Variants in SREBF2 observed in about 807,000 individuals in gnomAD.
SREBF2 encodes sterol regulatory element-binding protein 2.
A neutral mutation model predicts 113.1 loss-of-function variants in SREBF2; 55 were observed. The observed-to-expected ratio is 0.49, with a 90% CI of 0.39 to 0.61. The LOEUF (loss-of-function observed/expected upper bound fraction) is 0.61, where lower values mean the gene tolerates loss of function less well. Among genes scored for constraint, SREBF2 ranks in the 20% least tolerant of loss-of-function variants. The pLI is 0.00. For synonymous variants in SREBF2, 593 were observed against 605.7 expected (o/e 0.98, Z 0.31); for missense variants, 1,349 against 1,487.4 (o/e 0.91, Z 1.53).
At chr22:41,865,590 A>C (rs997870014) in intron 1 of SREBF2, among the ~76,000 whole-genome samples, 2 of 152,066 alleles carry the variant, frequency 1.3e-5, no homozygotes, top group African/African-American at 4.8e-5. Context: ...TTGGGCTGGG[A>C]ATTTAAGGGT....
At chr22:41,868,974 A>G (rs1270047783) in intron 3 of SREBF2, among the ~76,000 whole-genome samples, 182 bp downstream of exon 3, 1 of 152,244 alleles carries the variant, frequency 6.6e-6, no homozygotes, top group Non-Finnish European at 1.5e-5. Context: ...CTGTAGATAG[A>G]CACTGGCACT....
chr22:41,850,036 A>C (rs1297561896), intron 1 of SREBF2, among the ~76,000 whole-genome samples: 2 of 152,100 alleles, frequency 1.3e-5, no homozygotes, highest in African/African-American at 4.8e-5. Flanking sequence ...GCTACTCGGG[A>C]GGCTGAGGCG....
intron 1 of SREBF2, among the ~76,000 whole-genome samples, chr22:41,863,795 A>C (rs1461783863): frequency 6.6e-6 from 1 of 152,204 alleles, no homozygotes; most frequent in Non-Finnish European, 1.5e-5. Flanking sequence ...CCAGATTGAA[A>C]TGCAAAGCTC....
intron 10 of SREBF2, among the ~76,000 whole-genome samples, chr22:41,884,566 C>T (rs989219888): frequency 6.6e-6 from 1 of 152,170 alleles, no homozygotes; most frequent in East Asian, 1.9e-4. Context: ...TTGCACTGTG[C>T]GCCTCTGAGT....
intron 11 of SREBF2, 92 bp downstream of exon 11, chr22:41,885,103 C>T (rs2077287933): frequency 4.1e-6 from 6 of 1,473,872 alleles, no homozygotes; most frequent in Non-Finnish European, 5.6e-6. Flanking sequence ...ACCCCCTTCC[C>T]CATCAGGTGC....
chr22:41,850,841 A>G (rs1177333531), intron 1 of SREBF2, among the ~76,000 whole-genome samples: 2 of 152,084 alleles, frequency 1.3e-5, no homozygotes, highest in African/African-American at 4.8e-5. Flanking sequence ...CCAGGGTTCA[A>G]GTGATTCTCC....
At chr22:41,859,141 G>T (rs2077002972) in intron 1 of SREBF2, among the ~76,000 whole-genome samples, 1 of 151,774 alleles carries the variant, frequency 6.6e-6, no homozygotes, top group Admixed American at 6.6e-5. Flanking sequence ...AAAAAAAAGT[G>T]GGGGGACCTA....
chr22:41,856,030 C>T (rs1416119749), intron 1 of SREBF2, among the ~76,000 whole-genome samples: 1 of 152,150 alleles, frequency 6.6e-6, no homozygotes, highest in Non-Finnish European at 1.5e-5. Context: ...TTAAGTGATC[C>T]TCCTGCCTTA....
intron 15 of SREBF2, chr22:41,899,159 C>T: frequency 9.3e-7 from 1 of 1,074,752 alleles, no homozygotes; most frequent in East Asian, 6.1e-5. Flanking sequence ...TGCAGAGAGG[C>T]CACTGTTGCC....
Position 41,880,786 on chromosome 22 carries a change from C to G in SREBF2, c.1832C>G (p.Ser611Cys), listed in dbSNP as rs377252294. ...LAVLGRALPT[S>C]RLDLACSLSW... is the part of the protein sequence containing the mutation. ...GTTTTGGGCCGGGCACTGCCCACCT[C>G]CCGCCTGGACCTGGCCTGCAGCCTC... Residue 611 changes from serine (S) to cysteine (C), a missense_variant, in exon 10 of 19, where the codon TCC (serine) becomes TGC (cysteine). By Grantham distance (112) the Ser-to-Cys change is moderately radical (BLOSUM62 -1). Around this residue, in one of 2 missense-constraint regions of SREBF2, gnomAD observed 699 missense variants for 843.3 expected, o/e 0.83. Transcript: ENST00000361204. 65 of 1,614,078 alleles carry G rather than the reference C, an allele frequency of 4.0e-5. No individual in the cohort carries two copies. Among genetic ancestry groups the G allele is most frequent in the Non-Finnish European group, 5.1e-5 (60 of 1,180,046 alleles).
chr22:41,838,011 GC>G (rs1233748784), intron 1 of SREBF2, among the ~76,000 whole-genome samples: 1 of 152,094 alleles, frequency 6.6e-6, no homozygotes, highest in African/African-American at 2.4e-5. Context: ...GTTGTCCCAG[GC>G]CCCCAGGTTT....
At chr22:41,878,577 G>C (rs1602319860) in intron 9 of SREBF2, 1 of 938,246 alleles carries the variant, frequency 1.1e-6, no homozygotes, top group East Asian at 6.1e-5. Flanking sequence ...CTGATTTGGG[G>C]CTTTATTCCC....
chr22:41,859,799 CTTTTTTTTTT>C (rs1174473976), intron 1 of SREBF2, among the ~76,000 whole-genome samples: 15 of 54,364 alleles, frequency 2.8e-4, no homozygotes, highest in South Asian at 7.4e-4. Flanking sequence ...TATGGTGATT[CTTTTTTTTTT>C]TTTTTTTTTT....
chr22:41,881,870 G>C (rs756048639), intron 10 of SREBF2, among the ~76,000 whole-genome samples: 4 of 152,052 alleles, frequency 2.6e-5, no homozygotes, highest in Non-Finnish European at 5.9e-5. Flanking sequence ...TCAGGAGTTC[G>C]AGACCAGCCT....
chr22:41,896,618 C>A (rs2077418804), intron 13 of SREBF2, among the ~76,000 whole-genome samples: 1 of 152,232 alleles, frequency 6.6e-6, no homozygotes, highest in Admixed American at 6.5e-5. Context: ...CTTGGCCTCC[C>A]AAAGTGCTGG....
chr22:41,889,951 T>C (rs2077341881), intron 11 of SREBF2, among the ~76,000 whole-genome samples: 1 of 152,090 alleles, frequency 6.6e-6, no homozygotes, highest in African/African-American at 2.4e-5. Context: ...TGAGCCGAGA[T>C]TGTGCCACTG....
At chr22:41,874,240 T>A (rs1292396069) in intron 5 of SREBF2, among the ~76,000 whole-genome samples, 1 of 152,200 alleles carries the variant, frequency 6.6e-6, no homozygotes, top group Non-Finnish European at 1.5e-5. Flanking sequence ...GCTGAGACCT[T>A]TGACTCCTTT....
chr22:41,905,008 C>T (rs1251957261), intron 18 of SREBF2, 34 bp downstream of exon 18: 2 of 1,531,724 alleles, frequency 1.3e-6, no homozygotes, highest in Admixed American at 3.8e-5. Context: ...ACAGGCTGGG[C>T]CAGGCCCTGC....
At chr22:41,888,281 T>C (rs1017565651) in intron 11 of SREBF2, among the ~76,000 whole-genome samples, 2 of 152,252 alleles carry the variant, frequency 1.3e-5, no homozygotes, top group African/African-American at 4.8e-5. Context: ...TTTACACATA[T>C]GTACCTAATC....
Sources: gnomAD v4.1 joint callset for allele counts (sites outside exome capture counted in the v4.1 genomes callset) on GRCh38, gnomAD v4.1.1 for gene constraint, gnomAD v4.1.1 regional missense constraint, MANE v1.5 for transcripts, NCBI Gene and HGNC (gene_info 2026-07-23, HGNC 2026-07-21) for gene names.